Variants in PIP5K1B observed in about 807,000 individuals in gnomAD.
The protein encoded by PIP5K1B is phosphatidylinositol-4-phosphate 5-kinase type 1 beta.
A neutral mutation model predicts 67.0 loss-of-function variants in PIP5K1B; 42 were observed. The observed-to-expected ratio is 0.63, with a 90% CI of 0.49 to 0.81. The LOEUF is 0.81. Among genes scored for constraint, PIP5K1B ranks in the 30% least tolerant of loss-of-function variants. The pLI, the probability that PIP5K1B is intolerant of heterozygous loss-of-function variation, is 0.00. For missense variants in PIP5K1B, 459 were observed against 646.3 expected (o/e 0.71, Z 3.14); for synonymous variants, 214 against 231.4 (o/e 0.92, Z 0.68).
chr9:68,959,677 C>T (rs1420978843), intron 14 of PIP5K1B, among the ~76,000 whole-genome samples: 1 of 152,116 alleles, frequency 6.6e-6, no homozygotes, highest in Admixed American at 6.5e-5. Flanking sequence ...TGTAATTTAC[C>T]TTATGTCATA....
chr9:68,901,031 C>T lies in PIP5K1B; in HGVS notation c.771+6393C>T, dbSNP rs143349959. On this transcript the variant is annotated intron_variant, in intron 8 of 15. Transcript: ENST00000265382. ...GTAAACTTTTTACATTTTGTTCAGA[C>T]AGTTTATTTTCTTTTTTTGATATTG... 2.9e-3 allele frequency among the ~76,000 whole-genome samples: 446 copies of T among 152,230 alleles called. 2 individuals are homozygous for T. Among genetic ancestry groups the T allele is most frequent in the African/African-American group, 9.9e-3 (412 of 41,556 alleles).
intron 2 of PIP5K1B, among the ~76,000 whole-genome samples, chr9:68,764,074 C>CTTTTTTT (rs72304177): frequency 1.4e-5 from 1 of 73,516 alleles, no homozygotes; most frequent in African/African-American, 5.4e-5. Flanking sequence ...ACTATAACTT[C>CTTTTTTT]TTTTTTTTTT....
intron 14 of PIP5K1B, among the ~76,000 whole-genome samples, chr9:68,958,318 C>T (rs1828507461): frequency 6.6e-6 from 1 of 152,098 alleles, no homozygotes; most frequent in Non-Finnish European, 1.5e-5. Context: ...TGTACAGGCA[C>T]CAGTGATTGT....
chr9:68,758,210 A>G (rs1404359048), intron 2 of PIP5K1B, among the ~76,000 whole-genome samples: 3 of 152,206 alleles, frequency 2.0e-5, no homozygotes, highest in African/African-American at 7.2e-5. Context: ...TGTCTAGGAT[A>G]CAACCGAGAA....
Position 68,930,375 on chromosome 9 carries a change from C to G in PIP5K1B, c.1202-4515C>G, listed in dbSNP as rs150732454. Among the ~76,000 whole-genome samples the G allele has an allele frequency of 4.0e-3, 614 of 152,254 alleles. 1 individual carries two copies. The highest frequency in any genetic ancestry group is 6.6e-3 in the Non-Finnish European group (446 of 68,018). ...ACTTACCACCCCAGAGTCTGCCTCT[C>G]TACCTGGGTCCACGTCTTATGGAAG... is the stretch of plus-strand genomic sequence containing the variant. On this transcript the variant is annotated intron_variant, in intron 12 of 15. Coordinates refer to ENST00000265382, the MANE Select transcript of PIP5K1B (RefSeq NM_003558.4).
intron 2 of PIP5K1B, among the ~76,000 whole-genome samples, chr9:68,759,920 T>C (rs1830111223): frequency 6.6e-6 from 1 of 152,108 alleles, no homozygotes; most frequent in Non-Finnish European, 1.5e-5. Flanking sequence ...AAAATTTCCA[T>C]CAGACAGCAA....
At chr9:68,813,402 T>TG (rs1186270975) in intron 2 of PIP5K1B, among the ~76,000 whole-genome samples, 1 of 152,102 alleles carries the variant, frequency 6.6e-6, no homozygotes, top group Non-Finnish European at 1.5e-5. Context: ...GAGCAGGCAA[T>TG]GAAAGAGTAA....
chr9:68,941,074 T>G (rs749930059), intron 14 of PIP5K1B: 3 of 515,076 alleles, frequency 5.8e-6, no homozygotes, highest in South Asian at 4.6e-5. Context: ...TTTAGTAAAT[T>G]TTTTAGGAAT....
Position 68,888,998 on chromosome 9 carries a change from A to T in PIP5K1B, c.336A>T (p.Glu112Asp), listed in dbSNP as rs1164934904. 1 of 1,609,928 alleles carries T rather than the reference A, an allele frequency of 6.2e-7. No individual in the cohort carries two copies. The highest frequency in any genetic ancestry group is 8.5e-7 in the Non-Finnish European group (1 of 1,176,664). ...PDDYLYSICS[E>D]PLIELSNPGA... ...CCTTTTAGTATTCCATCTGCAGTGA[A>T]CCTCTAATAGAACTGTCTAACCCTG... The change falls in exon 7 of 16, where the codon GAA becomes GAT. Residue 112 changes from glutamate (E) to aspartate (D), a missense_variant. Transcript: ENST00000265382.
At chr9:68,847,562 T>A (rs1274039773) in intron 4 of PIP5K1B, among the ~76,000 whole-genome samples, 1 of 151,756 alleles carries the variant, frequency 6.6e-6, no homozygotes, top group Non-Finnish European at 1.5e-5. Context: ...CTTGTTTTAC[T>A]TAAAGCTGGT....
intron 5 of PIP5K1B, among the ~76,000 whole-genome samples, chr9:68,872,718 T>C (rs765374689): frequency 2.0e-5 from 3 of 152,210 alleles, no homozygotes; most frequent in East Asian, 3.8e-4. Context: ...TTTGTTTTCT[T>C]TTTTATGCAA....
Position 68,903,932 on chromosome 9 carries a change from A to T in PIP5K1B, c.771+9294A>T, listed in dbSNP as rs540624743. 1.6e-4 allele frequency among the ~76,000 whole-genome samples: 24 copies of T among 152,350 alleles called. No individual in the cohort carries two copies. The East Asian group carries it at 3.5e-3, about 22-fold the overall frequency. On this transcript the variant is annotated intron_variant, in intron 8 of 15. Transcript: ENST00000265382. ...ATACTTTATTGCATGGACAATAAGGATGCATTTCCAAGGCTTACTTTATCT... is the reference window on the plus strand; with the variant it reads ...ATACTTTATTGCATGGACAATAAGGTTGCATTTCCAAGGCTTACTTTATCT...
At chr9:68,892,473 G>T (rs1245188115) in intron 7 of PIP5K1B, among the ~76,000 whole-genome samples, 1 of 152,176 alleles carries the variant, frequency 6.6e-6, no homozygotes, top group Non-Finnish European at 1.5e-5. Flanking sequence ...AGATCTATGT[G>T]AATTTGTCTA....
At chr9:68,961,174 C>T (rs535472948) in intron 14 of PIP5K1B, among the ~76,000 whole-genome samples, 1 of 149,476 alleles carries the variant, frequency 6.7e-6, no homozygotes, top group Non-Finnish European at 1.5e-5. Context: ...TGCGCCACTG[C>T]AGTCCGCAGT....
chr9:68,886,406 A>G (rs1277591624), intron 6 of PIP5K1B, among the ~76,000 whole-genome samples: 1 of 152,152 alleles, frequency 6.6e-6, no homozygotes, highest in Non-Finnish European at 1.5e-5. Context: ...CAGCCATACA[A>G]TTATTGGTGG....
chr9:68,991,989 G>C (rs919075546), intron 15 of PIP5K1B, among the ~76,000 whole-genome samples: 4 of 151,844 alleles, frequency 2.6e-5, no homozygotes, highest in Non-Finnish European at 2.9e-5. Flanking sequence ...GGGGGGGGCA[G>C]AGTTTTGCTC....
At chr9:68,965,478 A>G (rs1037821042) in intron 14 of PIP5K1B, 1 of 152,210 alleles carries the variant, frequency 6.6e-6, no homozygotes, top group Non-Finnish European at 1.5e-5. Context: ...TCCAAACGCT[A>G]ACACACAGCT....
rs371218671 is a variant in PIP5K1B, at chr9:68,991,226, A to G, written c.1589A>G (p.Asp530Gly). 2.5e-6 allele frequency: 4 copies of G among 1,607,330 alleles called. No individual in the cohort carries two copies. The African/African-American group carries it at 5.3e-5, about 21-fold the overall frequency. Residue 530 changes from aspartate to glycine, a missense_variant, in exon 15 of 16, where the codon GAT becomes GGT. Physicochemically the swap from Asp to Gly is moderately conservative, Grantham distance 94. This residue lies in a region of PIP5K1B where 169 missense variants were observed against 171.9 expected (regional missense o/e 0.98). Transcript: ENST00000265382. ...GAGCCCAACACTCTGGAAGTGCAGG[A>G]TGACAATGCTTCTGTGCTTGACGTC... is the stretch of plus-strand genomic sequence containing the variant. ...TAEPNTLEVQ[D>G]DNASVLDVYL
intron 2 of PIP5K1B, among the ~76,000 whole-genome samples, chr9:68,779,408 T>C (rs780116469): frequency 2.6e-5 from 4 of 152,220 alleles, no homozygotes; most frequent in Non-Finnish European, 4.4e-5. Context: ...ACTGTCACCT[T>C]AGTGCAAATG....
Sources: gnomAD v4.1 joint callset for allele counts (sites outside exome capture counted in the v4.1 genomes callset) on GRCh38, gnomAD v4.1.1 for gene constraint, gnomAD v4.1.1 regional missense constraint, MANE v1.5 for transcripts, NCBI Gene and HGNC (gene_info 2026-07-23, HGNC 2026-07-21) for gene names.